The following DTL variants were observed in gnomAD, a reference collection of about 807,000 sequenced individuals.
DTL encodes denticleless E3 ubiquitin protein ligase adapter.
A neutral mutation model predicts 87.0 loss-of-function variants in DTL; 46 were observed. That is an observed-to-expected ratio of 0.53 (90% CI 0.42 to 0.68). The LOEUF is 0.68. Ranked by LOEUF, DTL falls within the 30% of genes least tolerant of loss-of-function variation. The pLI is 0.00. For synonymous variants in DTL, 308 were observed against 311.2 expected (o/e 0.99, Z 0.11); for missense variants, 737 against 869.4 (o/e 0.85, Z 1.91).
rs1195010672 is a variant in DTL, at chr1:212,100,388, G to A, written c.1398G>A (p.Thr466=). ...GDLPLPSNTP[T]FSIKTSPAKA... is the part of the protein sequence containing the mutation. ...TCCCTCTTCCTTCAAATACTCCTAC[G>A]TTCTCTATTAAAACCTCTCCTGCCA... Residue 466 remains threonine (T), a synonymous_variant, in exon 14 of 15, where the codon ACG becomes ACA. Transcript: ENST00000366991. 2.0e-5 allele frequency: 32 copies of A among 1,613,676 alleles called. No individual in the cohort carries two copies. The highest frequency in any genetic ancestry group is 2.6e-5 in the Non-Finnish European group (31 of 1,179,990).
At chr1:212,043,581 G>A (rs1017131887) in intron 2 of DTL, among the ~76,000 whole-genome samples, 21 of 152,188 alleles carry the variant, frequency 1.4e-4, no homozygotes, top group Middle Eastern at 3.4e-3. Context: ...TGTAATCCCC[G>A]AACTTTGGGA....
At chr1:212,091,826 A>T (rs969253687) in intron 13 of DTL, among the ~76,000 whole-genome samples, 2 of 152,250 alleles carry the variant, frequency 1.3e-5, no homozygotes, top group African/African-American at 4.8e-5. Context: ...AAATATATGA[A>T]GTGATGTTAG....
chr1:212,083,623 G>C (rs950498411), intron 13 of DTL, among the ~76,000 whole-genome samples: 5 of 152,178 alleles, frequency 3.3e-5, no homozygotes, highest in African/African-American at 1.2e-4. Flanking sequence ...CAAGATTATA[G>C]AAGAAGGAGG....
intron 13 of DTL, among the ~76,000 whole-genome samples, chr1:212,096,115 G>GAT (rs1655437863): frequency 6.6e-6 from 1 of 152,086 alleles, no homozygotes; most frequent in Admixed American, 6.5e-5. Context: ...ATATTTCCAG[G>GAT]AATTTATCCA....
At chr1:212,036,508 C>T (rs1292817524) in intron 1 of DTL, among the ~76,000 whole-genome samples, 2 of 152,176 alleles carry the variant, frequency 1.3e-5, no homozygotes, top group African/African-American at 2.4e-5. Flanking sequence ...GTAACCACAT[C>T]CGCCAGAGAT....
intron 13 of DTL, among the ~76,000 whole-genome samples, chr1:212,087,831 C>T (rs1273635431): frequency 1.3e-5 from 2 of 152,214 alleles, no homozygotes; most frequent in Non-Finnish European, 2.9e-5. Context: ...CCTTTCATTG[C>T]TGTCCTGGGC....
chr1:212,080,538 TA>T, intron 12 of DTL, 76 bp from the exon 13 acceptor site: 1 of 1,444,614 alleles, frequency 6.9e-7, no homozygotes, highest in African/African-American at 1.4e-5. Flanking sequence ...CACAAGGCCT[TA>T]AGACACACCT....
intron 1 of DTL, among the ~76,000 whole-genome samples, chr1:212,037,673 T>A (rs1376615482): frequency 6.6e-6 from 1 of 152,264 alleles, no homozygotes; most frequent in Admixed American, 6.5e-5. Flanking sequence ...AATTGTGTGC[T>A]ATACATATAT....
chr1:212,077,425 G>A (rs116360164), intron 11 of DTL, among the ~76,000 whole-genome samples: 1,690 of 152,176 alleles, frequency 0.011, 31 homozygotes, highest in African/African-American at 0.038. Context: ...ATTAAAATGC[G>A]AGTGACACTT....
chr1:212,078,171 A>G lies in DTL; in HGVS notation c.1036-2A>G, dbSNP rs1370252807. The G allele has an allele frequency of 6.3e-7, 1 of 1,586,186 alleles. No homozygotes were observed. The highest frequency in any genetic ancestry group is 8.7e-7 in the Non-Finnish European group (1 of 1,154,948). On this transcript the variant is annotated splice_acceptor_variant, in intron 11 of 14. Coordinates refer to ENST00000366991, the MANE Select transcript of DTL (RefSeq NM_016448.4). LOFTEE classifies it high-confidence loss of function. ...TGACTTGTTTGTTTTTGATTGGACT[A>G]GGTCTCCACACCCTGGCAACCTCCT...
At position 212,057,382 on chromosome 1, in the gene DTL, C is replaced by G. The variant is rs534828667; in HGVS notation, c.461-5502C>G. 3.3e-5 allele frequency among the ~76,000 whole-genome samples: 5 copies of G among 149,782 alleles called. No individual in the cohort carries two copies. In the East Asian group the frequency reaches 9.7e-4, roughly 29 times the overall value. ...AAAGAAAAAAAAAAAAACCTGCCACCCAAGAATACTACACCCAGTAAAATT... is the reference window on the plus strand; with the variant it reads ...AAAGAAAAAAAAAAAAACCTGCCACGCAAGAATACTACACCCAGTAAAATT... On this transcript the variant is annotated intron_variant, in intron 5 of 14. Transcript: ENST00000366991.
chr1:212,046,114 A>C (rs1667802174), intron 3 of DTL, among the ~76,000 whole-genome samples: 1 of 152,146 alleles, frequency 6.6e-6, no homozygotes, highest in Non-Finnish European at 1.5e-5. Flanking sequence ...ATATTTCAGA[A>C]AGATTCCATT....
At position 212,104,844 on chromosome 1, in the gene DTL, T is replaced by C. The variant is rs1655729987; in HGVS notation, c.*1904T>C. ...TCCTGAATAATAAAGCCTTTTACCT[T>C]ATCTGATGTCCTTTTCTGAGCTTTT... is the stretch of plus-strand genomic sequence containing the variant. On this transcript the variant is annotated 3_prime_UTR_variant, in exon 15 of 15. Transcript: ENST00000366991. 1 of 152,178 alleles carries C rather than the reference T, an allele frequency of 6.6e-6. No individual in the cohort carries two copies. The highest frequency in any genetic ancestry group is 2.1e-4 in the South Asian group (1 of 4,826). The allele number at this position is 152,178 out of a possible 1,614,324, so 9.4% of individuals were successfully genotyped here. A position where few individuals can be genotyped will look rare whatever the true frequency, so the allele number is the denominator to read the frequency against.
At position 212,103,598 on chromosome 1, in the gene DTL, A is replaced by G. The variant is rs567043391; in HGVS notation, c.*658A>G. On this transcript the variant is annotated 3_prime_UTR_variant, in exon 15 of 15. Transcript: ENST00000366991. Reference sequence around the variant, plus strand: ...CTTCGGAGAAACTAGGAGAACAACAACAGAAAGCTGTGTTTGTCTTTTTTC... The same window carrying G: ...CTTCGGAGAAACTAGGAGAACAACAGCAGAAAGCTGTGTTTGTCTTTTTTC... The G allele has an allele frequency of 6.6e-6, 1 of 152,342 alleles. No homozygotes were observed. Among genetic ancestry groups the G allele is most frequent in the East Asian group, 1.9e-4 (1 of 5,190 alleles). The allele number at this position is 152,342 out of a possible 1,614,324, so 9.4% of individuals were successfully genotyped here.
At chr1:212,080,803 G>T in intron 13 of DTL, 53 bp downstream of exon 13, 1 of 1,583,954 alleles carries the variant, frequency 6.3e-7, no homozygotes, top group South Asian at 1.1e-5. Flanking sequence ...AGTTTAGTCC[G>T]ACAGTACAGA....
intron 10 of DTL, 55 bp downstream of exon 10, chr1:212,068,758 T>G: frequency 1.7e-6 from 2 of 1,161,302 alleles, no homozygotes; most frequent in Non-Finnish European, 2.5e-6. Context: ...GGGCTTTTTT[T>G]GGTAATGATA....
intron 11 of DTL, among the ~76,000 whole-genome samples, chr1:212,073,520 A>C (rs1295709200): frequency 6.6e-6 from 1 of 152,144 alleles, no homozygotes; most frequent in Non-Finnish European, 1.5e-5. Flanking sequence ...ACAGGGGTAA[A>C]ACCTGTTTAG....
At chr1:212,050,518 T>A (rs941228488) in intron 5 of DTL, among the ~76,000 whole-genome samples, 2 of 152,216 alleles carry the variant, frequency 1.3e-5, no homozygotes, top group Non-Finnish European at 2.9e-5. Context: ...TCTTTCTCAT[T>A]CTTCATTCTC....
chr1:212,064,832 T>C (rs1444832815), intron 6 of DTL, 85 bp from the exon 7 acceptor site: 1 of 1,110,774 alleles, frequency 9.0e-7, no homozygotes, highest in Non-Finnish European at 1.4e-6. Flanking sequence ...GGTCAAAAAT[T>C]ACTTAATATT....
Sources: allele counts gnomAD v4.1 joint callset (sites outside exome capture counted in the v4.1 genomes callset), GRCh38; gene constraint gnomAD v4.1.1; transcripts MANE v1.5; gene names NCBI Gene and HGNC (gene_info 2026-07-23, HGNC 2026-07-21).